Variants in MAST2 observed in about 807,000 individuals in gnomAD.
The protein encoded by MAST2 is microtubule-associated serine/threonine-protein kinase 2.
Under a neutral mutation model 147.4 loss-of-function variants are expected in MAST2, and 70 were observed. The ratio of observed to expected loss-of-function variants is 0.47; its 90% confidence interval spans 0.39 to 0.58. The LOEUF (loss-of-function observed/expected upper bound fraction) is 0.58, where lower values mean the gene tolerates loss of function less well. Ranked by LOEUF, MAST2 falls within the 20% of genes least tolerant of loss-of-function variation. MAST2 has a pLI of 0.00. For synonymous variants in MAST2, 869 were observed against 896.8 expected (o/e 0.97, Z 0.55); for missense variants, 2,080 against 2,302.3 (o/e 0.90, Z 1.98).
At chr1:45,979,654 A>G (rs1340342529) in intron 5 of MAST2, among the ~76,000 whole-genome samples, 3 of 152,064 alleles carry the variant, frequency 2.0e-5, no homozygotes, top group Non-Finnish European at 2.9e-5. Context: ...TGAGACCCCC[A>G]TCTCTTCCAA....
chr1:45,847,244 C>A (rs1570353267), intron 3 of MAST2: 1 of 517,090 alleles, frequency 1.9e-6, no homozygotes. Flanking sequence ...ACTGCTGTCC[C>A]TCCCGCTCCA....
intron 4 of MAST2, among the ~76,000 whole-genome samples, chr1:45,895,963 CAAT>C (rs1648665071): frequency 6.6e-6 from 1 of 151,984 alleles, no homozygotes; most frequent in Non-Finnish European, 1.5e-5. Flanking sequence ...TATTTGTAAT[CAAT>C]AATTTCTTGT....
intron 15 of MAST2, 176 bp downstream of exon 15, chr1:46,024,156 A>C: frequency 1.6e-6 from 1 of 626,572 alleles, no homozygotes; most frequent in Non-Finnish European, 2.8e-6. Context: ...AGTGGGCACA[A>C]AGCTCCCTGC....
At chr1:45,948,251 G>A (rs1407850791) in intron 4 of MAST2, among the ~76,000 whole-genome samples, 6 of 152,014 alleles carry the variant, frequency 3.9e-5, no homozygotes, top group Admixed American at 1.3e-4. Context: ...CAAAGAAATC[G>A]GAGAGGACAC....
chr1:45,993,614 G>A (rs1644932966), intron 5 of MAST2, among the ~76,000 whole-genome samples: 2 of 152,100 alleles, frequency 1.3e-5, no homozygotes, highest in Admixed American at 1.3e-4. Flanking sequence ...AACCCAGGAG[G>A]CAGAGCTTGC....
chr1:45,825,216 G>A (rs1207046445), intron 2 of MAST2, among the ~76,000 whole-genome samples: 2 of 151,976 alleles, frequency 1.3e-5, no homozygotes, highest in African/African-American at 2.4e-5. Flanking sequence ...TAGTAGAGAC[G>A]GGGTTTCACT....
intron 3 of MAST2, among the ~76,000 whole-genome samples, chr1:45,831,223 C>G (rs138718321): frequency 6.6e-4 from 101 of 152,146 alleles, no homozygotes; most frequent in African/African-American, 2.4e-3. Context: ...CACACTGTTC[C>G]CTCTATCCTT....
chr1:45,820,290 G>T (rs1187377479), intron 1 of MAST2, among the ~76,000 whole-genome samples: 4 of 152,142 alleles, frequency 2.6e-5, no homozygotes, highest in East Asian at 3.8e-4. Flanking sequence ...ACATTGGTTT[G>T]GGCAAAAATT....
chr1:45,947,476 A>T (rs1408943727), intron 4 of MAST2, among the ~76,000 whole-genome samples: 3 of 152,218 alleles, frequency 2.0e-5, no homozygotes, highest in African/African-American at 7.2e-5. Context: ...AGTAATTGTT[A>T]GATATTATCA....
At chr1:45,837,800 T>A (rs1645147061) in intron 3 of MAST2, among the ~76,000 whole-genome samples, 2 of 152,190 alleles carry the variant, frequency 1.3e-5, no homozygotes, top group Non-Finnish European at 2.9e-5. Flanking sequence ...TTTTTTGAGA[T>A]GGAGTTTCAC....
chr1:45,956,410 A>G (rs1370218961), intron 4 of MAST2, among the ~76,000 whole-genome samples: 1 of 152,162 alleles, frequency 6.6e-6, no homozygotes, highest in Non-Finnish European at 1.5e-5. Flanking sequence ...ATTCATGGAA[A>G]TTTGTTCACT....
At chr1:45,996,707 C>G (rs1301472105) in intron 5 of MAST2, among the ~76,000 whole-genome samples, 2 of 152,082 alleles carry the variant, frequency 1.3e-5, no homozygotes, top group Non-Finnish European at 2.9e-5. Context: ...GATTGAGAGG[C>G]TGGTTTCTAC....
intron 1 of MAST2, among the ~76,000 whole-genome samples, chr1:45,805,706 GAA>G (rs1644122257): frequency 2.6e-5 from 4 of 152,126 alleles, no homozygotes; most frequent in Non-Finnish European, 5.9e-5. Flanking sequence ...CAGTCTCAGA[GAA>G]AAGTACTCAT....
At position 46,035,937 on chromosome 1, in the gene MAST2, C is replaced by T. The variant is rs762953713; in HGVS notation, c.5268C>T (p.Asp1756=). ...ATGCCTCAGGTGACAGAAGGCAGGA[C>T]GTTCCATGCCGAGGCTGCCCCCTCA... The part of the protein sequence containing the change: ...VPDASGDRRQ[D]VPCRGCPLTQ... Residue 1756 remains aspartate (D), a synonymous_variant, in exon 29 of 29, where the codon GAC becomes GAT. Coordinates refer to ENST00000361297, the MANE Select transcript of MAST2 (RefSeq NM_015112.3). The surrounding 1 kb of genome is among the most constrained non-coding windows in gnomAD (Gnocchi z 5.5). The T allele has an allele frequency of 1.9e-6, 3 of 1,614,014 alleles. No individual in the cohort carries two copies. The highest frequency in any genetic ancestry group is 1.1e-5 in the South Asian group (1 of 91,084).
intron 10 of MAST2, among the ~76,000 whole-genome samples, chr1:46,013,603 T>G (rs1433051468): frequency 6.6e-6 from 1 of 151,352 alleles, no homozygotes; most frequent in Non-Finnish European, 1.5e-5. Context: ...TCGCTTGAAC[T>G]CAGTAGGTGG....
At chr1:45,834,249 T>C (rs1461845951) in intron 3 of MAST2, among the ~76,000 whole-genome samples, 1 of 152,126 alleles carries the variant, frequency 6.6e-6, no homozygotes, top group African/African-American at 2.4e-5. Context: ...TTTATTTAAA[T>C]AGTAACAAAA....
chr1:45,939,980 G>GCTTTTTT, intron 4 of MAST2, among the ~76,000 whole-genome samples: 1 of 97,286 alleles, frequency 1.0e-5, no homozygotes, highest in Non-Finnish European at 2.0e-5. Flanking sequence ...TTTATTTAGG[G>GCTTTTTT]TTTTTTTTTT....
chr1:45,900,160 ACT>A (rs1222471064), intron 4 of MAST2, among the ~76,000 whole-genome samples: 5 of 108,722 alleles, frequency 4.6e-5, no homozygotes, highest in Non-Finnish European at 8.7e-5. Context: ...ACAGAGCGAG[ACT>A]CTCTCTCTCT....
At chr1:45,957,236 A>G (rs1030582116) in intron 4 of MAST2, among the ~76,000 whole-genome samples, 1 of 152,212 alleles carries the variant, frequency 6.6e-6, no homozygotes, top group South Asian at 2.1e-4. Flanking sequence ...GTGTGAATCA[A>G]TTATTCATTC....
Sources: gnomAD v4.1 joint callset for allele counts (sites outside exome capture counted in the v4.1 genomes callset) on GRCh38, gnomAD v4.1.1 for gene constraint, Gnocchi (gnomAD v3.1) non-coding constraint, MANE v1.5 for transcripts, NCBI Gene and HGNC (gene_info 2026-07-23, HGNC 2026-07-21) for gene names.